DOCK11: variants seen among roughly 807,000 people sequenced by gnomAD.
DOCK11 encodes dedicator of cytokinesis 11.
In DOCK11, 70 loss-of-function variants were observed where a neutral mutation model predicts 169.1. That is an observed-to-expected ratio of 0.41 (90% CI 0.34 to 0.51). DOCK11 has a LOEUF of 0.51. Ranked by LOEUF, DOCK11 falls within the 20% of genes least tolerant of loss-of-function variation. DOCK11 has a pLI of 0.10. For missense variants in DOCK11, 1,166 were observed against 1,538.8 expected, an observed-to-expected ratio of 0.76 and a Z score of 4.05; for synonymous variants, 529 against 541.3, an observed-to-expected ratio of 0.98 and a Z score of 0.32.
intron 1 of DOCK11, among the ~76,000 whole-genome samples, chrX:118,539,069 A>G (rs1355119577): frequency 9.0e-6 from 1 of 111,557 alleles, no homozygotes; most frequent in Non-Finnish European, 1.9e-5. Context: ...TAAATCTTCT[A>G]TTAGGGGAAG....
intron 1 of DOCK11, among the ~76,000 whole-genome samples, chrX:118,531,549 A>G (rs1308682046): frequency 1.7e-4 from 13 of 77,615 alleles, no homozygotes; most frequent in Admixed American, 3.0e-4. Flanking sequence ...AAGTGTGTAT[A>G]TATATATATA....
At chrX:118,610,099 A>T (rs996453332) in intron 27 of DOCK11, among the ~76,000 whole-genome samples, 173 bp from the exon 28 acceptor site, 3 of 112,119 alleles carry the variant, frequency 2.7e-5, no homozygotes, top group Non-Finnish European at 5.6e-5. Context: ...TAGTTCCTGT[A>T]ATTATATAGA....
intron 1 of DOCK11, among the ~76,000 whole-genome samples, chrX:118,539,266 G>A (rs1040490608): frequency 8.9e-6 from 1 of 112,338 alleles, no homozygotes; most frequent in Admixed American, 9.5e-5. Flanking sequence ...TTTTTAGAAG[G>A]TATATACTTT....
chrX:118,506,116 C>T (rs1208227232), intron 1 of DOCK11, among the ~76,000 whole-genome samples: 1 of 110,723 alleles, frequency 9.0e-6, no homozygotes, highest in African/African-American at 3.3e-5. Flanking sequence ...ATGAGCCAGG[C>T]GTGGTGGCAC....
At chrX:118,538,413 G>C (rs992523430) in intron 1 of DOCK11, among the ~76,000 whole-genome samples, 1 of 112,544 alleles carries the variant, frequency 8.9e-6, no homozygotes, top group Non-Finnish European at 1.9e-5. Context: ...AAGTGACCTT[G>C]AAATGAATTA....
At chrX:118,506,314 C>T (rs1314464053) in intron 1 of DOCK11, among the ~76,000 whole-genome samples, 1 of 110,802 alleles carries the variant, frequency 9.0e-6, no homozygotes, top group Non-Finnish European at 1.9e-5. Flanking sequence ...ATCCCTTTCA[C>T]TCTTAATCCT....
At chrX:118,638,239 C>A in intron 37 of DOCK11, 112 bp downstream of exon 37, 1 of 665,893 alleles carries the variant, frequency 1.5e-6, no homozygotes, top group Non-Finnish European at 2.3e-6. Flanking sequence ...CATTGGGATA[C>A]CGGTGATTTA....
intron 1 of DOCK11, among the ~76,000 whole-genome samples, chrX:118,529,135 C>A (rs2011450922): frequency 9.1e-6 from 1 of 109,787 alleles, no homozygotes; most frequent in Non-Finnish European, 1.9e-5. Context: ...CGCGTGCCAC[C>A]ATGCCTGGCT....
Position 118,495,863 on chromosome X carries a change from G to A in DOCK11, c.-109G>A. On this transcript the variant is annotated 5_prime_UTR_variant, in exon 1 of 53. Transcript: ENST00000276202. Reference sequence around the variant, plus strand: ...GCTGCGATGTGGCCGGCCGGCCGGCGAGTAAACAGAGGGAGCAGCAGCGGC... The same window carrying A: ...GCTGCGATGTGGCCGGCCGGCCGGCAAGTAAACAGAGGGAGCAGCAGCGGC... The A allele has an allele frequency of 3.1e-6, 1 of 325,299 alleles. No individual in the cohort carries two copies. The highest frequency in any genetic ancestry group is 4.3e-6 in the Non-Finnish European group (1 of 231,502). 26.8% of individuals were successfully genotyped at this position (325,299 alleles called of 1,213,427 possible).
chrX:118,613,798 A>T (rs1422600234), intron 28 of DOCK11, among the ~76,000 whole-genome samples: 1 of 112,344 alleles, frequency 8.9e-6, no homozygotes, highest in African/African-American at 3.2e-5. Context: ...CTCCAGCCTG[A>T]GTGACAGAGC....
At chrX:118,528,910 G>A in intron 1 of DOCK11, among the ~76,000 whole-genome samples, 1 of 110,654 alleles carries the variant, frequency 9.0e-6, no homozygotes. Flanking sequence ...AGCACAAATG[G>A]AGTTTTGCTT....
intron 23 of DOCK11, among the ~76,000 whole-genome samples, chrX:118,604,962 G>C (rs763290168): frequency 1.6e-4 from 18 of 111,761 alleles, no homozygotes; most frequent in African/African-American, 5.5e-4. Flanking sequence ...TGGTTTACCA[G>C]GAGTCAGTTG....
chrX:118,516,791 G>C (rs2147318069), intron 1 of DOCK11, among the ~76,000 whole-genome samples: 1 of 111,878 alleles, frequency 8.9e-6, no homozygotes, highest in East Asian at 2.8e-4. Flanking sequence ...GGCATGCAAA[G>C]TATGATCCTA....
chrX:118,649,545 G>A (rs60953201), intron 41 of DOCK11, among the ~76,000 whole-genome samples: 1,340 of 111,462 alleles, frequency 0.012, 16 homozygotes, highest in African/African-American at 0.04. Flanking sequence ...TTGAGACGGA[G>A]TCTCGCCCTG....
intron 1 of DOCK11, among the ~76,000 whole-genome samples, chrX:118,532,856 A>G (rs746067159): frequency 1.1e-4 from 12 of 110,096 alleles, no homozygotes; most frequent in African/African-American, 3.6e-4. Context: ...TCACCTCACC[A>G]TATCCTGAAA....
chrX:118,545,538 C>T lies in DOCK11; in HGVS notation c.462+146C>T, dbSNP rs2012238826. On this transcript the variant is annotated intron_variant, in intron 5 of 52. Transcript: ENST00000276202. Reference sequence around the variant, plus strand: ...CTGTGGCCAGCTTTCAAACCGGGTGCTTTTCAATTTTTTTTTTAATTACTG... The same window carrying T: ...CTGTGGCCAGCTTTCAAACCGGGTGTTTTTCAATTTTTTTTTTAATTACTG... 1.8e-5 allele frequency: 8 copies of T among 447,788 alleles called. No individual in the cohort carries two copies. The East Asian group carries it at 3.5e-4, about 20-fold the overall frequency. The allele number at this position is 447,788 out of a possible 1,213,427, so 36.9% of individuals were successfully genotyped here. A position where few individuals can be genotyped will look rare whatever the true frequency, so the allele number is the denominator to read the frequency against.
At chrX:118,606,644 C>T (rs751358822) in intron 24 of DOCK11, among the ~76,000 whole-genome samples, 1 of 112,229 alleles carries the variant, frequency 8.9e-6, no homozygotes, top group South Asian at 3.7e-4. Context: ...GTTGCCACAA[C>T]CTCTTCCAGC....
At chrX:118,510,619 G>A (rs1416443971) in intron 1 of DOCK11, among the ~76,000 whole-genome samples, 1 of 111,108 alleles carries the variant, frequency 9.0e-6, no homozygotes, top group Admixed American at 9.6e-5. Context: ...TGTGTGTGGC[G>A]GGGGGTCAGC....
chrX:118,581,842 T>C (rs1194414700), intron 14 of DOCK11, among the ~76,000 whole-genome samples: 2 of 54,875 alleles, frequency 3.6e-5, no homozygotes, highest in Non-Finnish European at 6.7e-5. Context: ...AAAAAAAAAT[T>C]GGTTATTGGC....
Sources: allele counts gnomAD v4.1 joint callset (sites outside exome capture counted in the v4.1 genomes callset), GRCh38; gene constraint gnomAD v4.1.1; transcripts MANE v1.5; gene names NCBI Gene and HGNC (gene_info 2026-07-23, HGNC 2026-07-21).